The following DAGLB variants were observed in gnomAD, a reference collection of about 807,000 sequenced individuals.
DAGLB encodes diacylglycerol lipase-beta.
Under a neutral mutation model 72.1 loss-of-function variants are expected in DAGLB, and 66 were observed. The ratio of observed to expected loss-of-function variants is 0.92; its 90% CI spans 0.75 to 1.12. DAGLB has a LOEUF of 1.12. DAGLB is among the 50% of genes most tolerant of loss of function. The pLI is 0.00. For missense variants in DAGLB, 1,065 were observed against 884.9 expected, an observed-to-expected ratio of 1.20 and a Z score of -2.58; for synonymous variants, 414 against 359.5, an observed-to-expected ratio of 1.15 and a Z score of -1.71.
intron 3 of DAGLB, 82 bp from the exon 4 acceptor site, chr7:6,435,102 C>T: frequency 1.3e-6 from 2 of 1,561,472 alleles, no homozygotes; most frequent in East Asian, 2.3e-5. Flanking sequence ...CCTCCAGGTT[C>T]AGTTTCTGAG....
In DAGLB at chr7:6,410,125, C is replaced by A. The variant is rs777360450; in HGVS notation, c.1820+5G>T. ...TGCCCACCACACCCACCACGCCGCACTCACCGCCCCGAGGCGCCCTCCTCC... is the reference window on the plus strand; with the variant it reads ...TGCCCACCACACCCACCACGCCGCAATCACCGCCCCGAGGCGCCCTCCTCC... On this transcript the variant is annotated splice_donor_5th_base_variant and intron_variant, in intron 14 of 14. Coordinates refer to ENST00000297056, the MANE Select transcript of DAGLB (RefSeq NM_139179.4). 31 of 1,573,960 alleles carry A rather than the reference C, an allele frequency of 2.0e-5. No individual in the cohort carries two copies. The highest frequency in any genetic ancestry group is 1.7e-6 in the Non-Finnish European group (2 of 1,157,326).
chr7:6,421,318 G>T (rs1369282521), intron 9 of DAGLB, among the ~76,000 whole-genome samples: 3 of 133,410 alleles, frequency 2.2e-5, no homozygotes, highest in Admixed American at 7.7e-5. Context: ...CAGGCAGCGC[G>T]GGAGGCGCAG....
chr7:6,447,909 C>G lies in DAGLB; in HGVS notation c.-67G>C. On this transcript the variant is annotated 5_prime_UTR_variant, in exon 1 of 15. Coordinates refer to ENST00000297056, the MANE Select transcript of DAGLB (RefSeq NM_139179.4). ...GCCGTTCACCGAGAACAAACCAGCA[C>G]CCTCCGGACGCCGCCACCAAATTAT... 6.7e-6 allele frequency: 10 copies of G among 1,494,702 alleles called. No homozygotes were observed. Among genetic ancestry groups the G allele is most frequent in the South Asian group, 1.2e-5 (1 of 80,678 alleles). The allele number at this position is 1,494,702 out of a possible 1,614,324, so 92.6% of individuals were successfully genotyped here.
chr7:6,424,659 A>G, intron 8 of DAGLB, 93 bp downstream of exon 8: 1 of 1,204,936 alleles, frequency 8.3e-7, no homozygotes, highest in Non-Finnish European at 1.2e-6. Context: ...CCTGTGTCTC[A>G]TGCGGTTACT....
At chr7:6,437,200 T>TAA (rs1343444448) in intron 2 of DAGLB, among the ~76,000 whole-genome samples, 24 of 150,194 alleles carry the variant, frequency 1.6e-4, no homozygotes, top group African/African-American at 5.9e-4. Flanking sequence ...ATAGTAATAA[T>TAA]TATGCTGAGA....
intron 2 of DAGLB, among the ~76,000 whole-genome samples, chr7:6,442,590 T>C (rs939501790): frequency 1.3e-5 from 2 of 152,198 alleles, no homozygotes; most frequent in Non-Finnish European, 2.9e-5. Context: ...GTCTCAATAC[T>C]TCACCTTCAA....
At chr7:6,412,181 TGG>T (rs971278540) in intron 13 of DAGLB, among the ~76,000 whole-genome samples, 2 of 152,192 alleles carry the variant, frequency 1.3e-5, no homozygotes, top group African/African-American at 4.8e-5. Flanking sequence ...CCCAAAGGGC[TGG>T]GATTACAAGC....
chr7:6,421,063 G>A lies in DAGLB; in HGVS notation c.1218+664C>T, dbSNP rs60038667. ...CACGCCCGTAATCCCAATACTCTGG[G>A]AGGCTGAGGCAGGAGGATTACTTGA... is the stretch of plus-strand genomic sequence containing the variant. On this transcript the variant is annotated intron_variant, in intron 9 of 14. Transcript: ENST00000297056. 8.3e-3 allele frequency among the ~76,000 whole-genome samples: 1,259 copies of A among 152,332 alleles called. 19 individuals carry two copies. Among genetic ancestry groups the A allele is most frequent in the African/African-American group, 0.029 (1,204 of 41,584 alleles).
Position 6,412,962 on chromosome 7 carries a change from T to C in DAGLB, c.1496+4A>G. 1.2e-6 allele frequency: 2 copies of C among 1,613,900 alleles called. No individual in the cohort carries two copies. The highest frequency in any genetic ancestry group is 1.7e-5 in the Admixed American group (1 of 59,994). ...GCCCTGGGCACAGCACCAGGTGGGC[T>C]TACCTGGGAATCACATCCTTCCCCA... On this transcript the variant is annotated splice_donor_region_variant and intron_variant, in intron 12 of 14. Transcript: ENST00000297056.
chr7:6,435,070 G>A (rs1295012367), intron 3 of DAGLB, 50 bp from the exon 4 acceptor site: 3 of 1,595,236 alleles, frequency 1.9e-6, no homozygotes, highest in Admixed American at 1.7e-5. Context: ...CCCCAGCCCA[G>A]ACGCAGATGT....
In DAGLB at chr7:6,409,488, G is replaced by A. The variant is rs1257512333; in HGVS notation, c.*349C>T. 1.0e-5 allele frequency: 3 copies of A among 289,640 alleles called. No individual in the cohort carries two copies. The highest frequency in any genetic ancestry group is 6.5e-5 in the African/African-American group (3 of 46,164). 17.9% of individuals were successfully genotyped at this position (289,640 alleles called of 1,614,324 possible). ...GCTGCCTTGGGGGTGGGAGGCTAAGGAACTGTTCACGGTCTTCTGGGTGGG... is the reference window on the plus strand; with the variant it reads ...GCTGCCTTGGGGGTGGGAGGCTAAGAAACTGTTCACGGTCTTCTGGGTGGG... On this transcript the variant is annotated 3_prime_UTR_variant, in exon 15 of 15. Transcript: ENST00000297056.
chr7:6,412,923 C>A (rs745325623), intron 12 of DAGLB, 40 bp from the exon 13 acceptor site: 5 of 1,612,728 alleles, frequency 3.1e-6, no homozygotes, highest in Non-Finnish European at 4.2e-6. Context: ...GGACCTGGCA[C>A]TCCCAACCCC....
chr7:6,412,435 C>G (rs1783759481), intron 13 of DAGLB, among the ~76,000 whole-genome samples: 1 of 151,924 alleles, frequency 6.6e-6, no homozygotes, highest in African/African-American at 2.4e-5. Flanking sequence ...AAAGCAAAAT[C>G]AAACAGTTCC....
At chr7:6,416,148 G>GA (rs906904148) in intron 11 of DAGLB, 1 of 152,346 alleles carries the variant, frequency 6.6e-6, no homozygotes, top group Admixed American at 6.5e-5. Context: ...AAGTCTGTTT[G>GA]AAAAAAGACT....
intron 11 of DAGLB, among the ~76,000 whole-genome samples, chr7:6,413,516 G>A (rs1203142655): frequency 6.6e-6 from 1 of 152,072 alleles, no homozygotes; most frequent in Non-Finnish European, 1.5e-5. Context: ...TGTAGTCCCA[G>A]CTACTCAGGA....
Position 6,416,683 on chromosome 7 carries a change from T to C in DAGLB, c.1371A>G (p.Arg457=). 1 of 1,613,724 alleles carries C rather than the reference T, an allele frequency of 6.2e-7. No individual in the cohort carries two copies. The highest frequency in any genetic ancestry group is 8.5e-7 in the Non-Finnish European group (1 of 1,179,854). ...GAAALLATML[R]AAYPQVRCYA... ...AGCACCTGACCTGCGGGTAGGCGGC[T>C]CTGAGCATGGTGGCCAGCAGGGCGG... The change falls in exon 11 of 15, where the codon AGA becomes AGG. Residue 457 remains arginine (R), a synonymous_variant. Coordinates refer to ENST00000297056, the MANE Select transcript of DAGLB (RefSeq NM_139179.4).
intron 8 of DAGLB, among the ~76,000 whole-genome samples, chr7:6,423,680 C>T (rs1306535605): frequency 2.6e-5 from 4 of 151,916 alleles, no homozygotes; most frequent in South Asian, 2.1e-4. Flanking sequence ...CTCCGCCTCC[C>T]GGGTTCAAGT....
At chr7:6,440,096 A>G in intron 2 of DAGLB, among the ~76,000 whole-genome samples, 1 of 151,714 alleles carries the variant, frequency 6.6e-6, no homozygotes, top group Non-Finnish European at 1.5e-5. Flanking sequence ...CACAGTATCA[A>G]AGTTTTCCTC....
chr7:6,437,671 T>C (rs1206640176), intron 2 of DAGLB, among the ~76,000 whole-genome samples: 1 of 151,770 alleles, frequency 6.6e-6, no homozygotes, highest in Non-Finnish European at 1.5e-5. Flanking sequence ...TTTTTTTAGA[T>C]GGAGTCTCAC....
Sources: gnomAD v4.1 joint callset for allele counts (sites outside exome capture counted in the v4.1 genomes callset) on GRCh38, gnomAD v4.1.1 for gene constraint, MANE v1.5 for transcripts, NCBI Gene and HGNC (gene_info 2026-07-23, HGNC 2026-07-21) for gene names.